The following SCN2A variants were observed in gnomAD, a reference collection of about 807,000 sequenced individuals.
The protein encoded by SCN2A is sodium channel protein type 2 subunit alpha.
A neutral mutation model predicts 188.7 loss-of-function variants in SCN2A; 20 were observed. The observed-to-expected ratio is 0.11, with a 90% confidence interval of 0.07 to 0.15. The LOEUF (loss-of-function observed/expected upper bound fraction) is 0.15. Among genes scored for constraint, SCN2A ranks in the 10% least tolerant of loss-of-function variants. The pLI, the probability that SCN2A is intolerant of heterozygous loss-of-function variation, is 1.00. For missense variants in SCN2A, 1,278 were observed against 2,445.0 expected, an observed-to-expected ratio of 0.52 and a Z score of 10.07; for synonymous variants, 804 against 833.1, an observed-to-expected ratio of 0.97 and a Z score of 0.60.
intron 23 of SCN2A, among the ~76,000 whole-genome samples, chr2:165,380,337 T>C (rs940468672): frequency 2.1e-5 from 3 of 139,564 alleles, no homozygotes; most frequent in Non-Finnish European, 4.8e-5. Flanking sequence ...GCATTCATAA[T>C]CTGGGCATTT....
intron 1 of SCN2A, among the ~76,000 whole-genome samples, chr2:165,291,336 G>T (rs548229305): frequency 2.0e-5 from 3 of 149,464 alleles, no homozygotes; most frequent in African/African-American, 4.9e-5. Flanking sequence ...GAGCCACCGG[G>T]ACTTGTCTGT....
chr2:165,268,069 T>C (rs1221684281), intron 1 of SCN2A: 1 of 151,984 alleles, frequency 6.6e-6, no homozygotes, highest in Non-Finnish European at 1.5e-5. Flanking sequence ...AACTATTGTA[T>C]GATCCAGTAA....
chr2:165,345,767 A>G (rs1275665499), intron 16 of SCN2A, among the ~76,000 whole-genome samples: 4 of 152,040 alleles, frequency 2.6e-5, no homozygotes, highest in African/African-American at 7.2e-5. Flanking sequence ...CTAGCTGGCT[A>G]TTTTGCTCAT....
chr2:165,331,617 C>T (rs761977079), intron 14 of SCN2A, 49 bp downstream of exon 14: 1 of 1,416,692 alleles, frequency 7.1e-7, no homozygotes, highest in Non-Finnish European at 1.0e-6. Context: ...TTTATAATTG[C>T]CTTAGTGAAT....
Position 165,367,432 on chromosome 2 carries a change from A to G in SCN2A, c.3675+61A>G, listed in dbSNP as rs1008593901. On this transcript the variant is annotated intron_variant, in intron 19 of 26. Coordinates refer to ENST00000375437, the MANE Select transcript of SCN2A (RefSeq NM_001040142.2). ...CTGAAATCTTTTCCCTTTCCCTTCA[A>G]TCAACTCATATTACCCACTTTTAAA... 7.2e-6 allele frequency: 11 copies of G among 1,530,334 alleles called. No individual in the cohort carries two copies. The African/African-American group carries it at 1.1e-4, about 15-fold the overall frequency. 94.8% of individuals were successfully genotyped at this position (1,530,334 alleles called of 1,614,324 possible).
intron 21 of SCN2A, 120 bp downstream of exon 21, chr2:165,373,467 TA>T: frequency 8.9e-7 from 1 of 1,123,274 alleles, no homozygotes; most frequent in Non-Finnish European, 1.3e-6. Flanking sequence ...CTGACATAGC[TA>T]ATCAATCAAA....
intron 20 of SCN2A, chr2:165,371,037 T>C (rs1054090788): frequency 1.3e-5 from 2 of 152,212 alleles, no homozygotes; most frequent in African/African-American, 4.8e-5. Context: ...ACCAAAACTA[T>C]AACCATTCTT....
intron 1 of SCN2A, chr2:165,294,195 A>C: frequency 1.3e-6 from 1 of 786,768 alleles, no homozygotes; most frequent in Non-Finnish European, 1.5e-6. Flanking sequence ...CCTTTACAGT[A>C]GTAGAATCCT....
chr2:165,315,508 T>A lies in SCN2A; in HGVS notation c.1421T>A (p.Phe474Tyr), dbSNP rs1290568199. Reference protein sequence around the residue: ...AAAASAESRDFSGAGGIGVFS... With the variant: ...AAAASAESRDYSGAGGIGVFS... Reference sequence around the variant, plus strand: ...GCCGCATCTGCTGAATCAAGAGACTTCAGTGGTGCTGGTGGGATAGGAGTT... The same window carrying A: ...GCCGCATCTGCTGAATCAAGAGACTACAGTGGTGCTGGTGGGATAGGAGTT... Residue 474 changes from phenylalanine (F) to tyrosine (Y), a missense_variant, in exon 11 of 27, where the codon TTC becomes TAC. Phe to Tyr is a conservative substitution (Grantham distance 22, BLOSUM62 3). Around this residue, in one of 17 missense-constraint regions of SCN2A, gnomAD observed 315 missense variants for 386.6 expected, o/e 0.81. Coordinates refer to ENST00000375437, the MANE Select transcript of SCN2A (RefSeq NM_001040142.2). 12 of 1,613,830 alleles carry A rather than the reference T, an allele frequency of 7.4e-6. No homozygotes were observed. The highest frequency in any genetic ancestry group is 1.0e-5 in the Non-Finnish European group (12 of 1,179,882).
chr2:165,283,421 G>A (rs1695670412), intron 1 of SCN2A, among the ~76,000 whole-genome samples: 1 of 152,116 alleles, frequency 6.6e-6, no homozygotes, highest in African/African-American at 2.4e-5. Flanking sequence ...TGAATATGAG[G>A]AGAGATGTAT....
chr2:165,310,698 G>T (rs1196387939), intron 7 of SCN2A, 103 bp downstream of exon 7: 9 of 817,468 alleles, frequency 1.1e-5, no homozygotes, highest in Non-Finnish European at 1.6e-5. Flanking sequence ...AAGTGACTTA[G>T]ACTAATTTAA....
chr2:165,365,439 G>GTT lies in SCN2A; in HGVS notation c.3520+184_3520+185dup, dbSNP rs3835935. Among the ~76,000 whole-genome samples, 47,614 of 147,424 alleles carry GTT rather than the reference G, an allele frequency of 0.32. 7,893 individuals carry two copies. The highest frequency in any genetic ancestry group is 0.4 in the Admixed American group (5,912 of 14,802). On this transcript the variant is annotated intron_variant, in intron 18 of 26. Transcript: ENST00000375437. The stretch of plus-strand genomic sequence containing the variant: ...CTATCCAACAACTGTACATTTATTT[G>GTT]TTTTTTTTTGCATTTGCTGTTTGAA...
intron 1 of SCN2A, among the ~76,000 whole-genome samples, chr2:165,265,155 A>G (rs965619701): frequency 1.3e-5 from 2 of 151,818 alleles, no homozygotes; most frequent in African/African-American, 4.8e-5. Flanking sequence ...TTACCTTTTA[A>G]TAATAGCTAT....
chr2:165,365,066 G>C, intron 17 of SCN2A, 77 bp from the exon 18 acceptor site: 3 of 1,292,582 alleles, frequency 2.3e-6, no homozygotes, highest in Non-Finnish European at 2.2e-6. Flanking sequence ...AGATGGGGGG[G>C]GGGCACACCT....
intron 1 of SCN2A, chr2:165,268,349 G>T (rs1052944154): frequency 6.6e-6 from 1 of 151,812 alleles, no homozygotes; most frequent in African/African-American, 2.4e-5. Flanking sequence ...TGATCAAGTG[G>T]GTTTCATACC....
chr2:165,288,431 ATTT>A (rs577482770), intron 1 of SCN2A, among the ~76,000 whole-genome samples: 26 of 150,738 alleles, frequency 1.7e-4, no homozygotes, highest in African/African-American at 6.3e-4. Flanking sequence ...TTTCTAAATA[ATTT>A]TTTTTTATTT....
At position 165,241,705 on chromosome 2, in the gene SCN2A, A is replaced by T. The variant is rs572585948; in HGVS notation, c.-52+2065A>T. Among the ~76,000 whole-genome samples, 228 of 152,348 alleles carry T rather than the reference A, an allele frequency of 1.5e-3. 1 individual carries two copies. Among genetic ancestry groups the T allele is most frequent in the Middle Eastern group, 3.4e-3 (1 of 294 alleles). ...ATATCTCAAAATAAGGAATGAAGAAAGATGAGAAAGTGAATGGGACAGGAA... is the reference window on the plus strand; with the variant it reads ...ATATCTCAAAATAAGGAATGAAGAATGATGAGAAAGTGAATGGGACAGGAA... On this transcript the variant is annotated intron_variant, in intron 1 of 26. Coordinates refer to ENST00000375437, the MANE Select transcript of SCN2A (RefSeq NM_001040142.2).
chr2:165,278,900 A>G (rs1695464936), intron 1 of SCN2A, among the ~76,000 whole-genome samples: 1 of 152,148 alleles, frequency 6.6e-6, no homozygotes, highest in Non-Finnish European at 1.5e-5. Context: ...ACTGCACTCC[A>G]GCATAGGCAA....
chr2:165,269,299 T>C (rs1489067504), intron 1 of SCN2A: 2 of 151,988 alleles, frequency 1.3e-5, no homozygotes, highest in Non-Finnish European at 2.9e-5. Flanking sequence ...TAGAACATAA[T>C]AAAATATTGG....
Sources: allele counts gnomAD v4.1 joint callset (sites outside exome capture counted in the v4.1 genomes callset), GRCh38; gene constraint gnomAD v4.1.1; regional missense constraint gnomAD v4.1.1; transcripts MANE v1.5; gene names NCBI Gene and HGNC (gene_info 2026-07-23, HGNC 2026-07-21).